Variants in TP53TG5 observed in about 807,000 individuals in gnomAD.
TP53TG5 encodes the protein TP53-target gene 5 protein.
A neutral mutation model predicts 30.0 loss-of-function variants in TP53TG5; 17 were observed. The ratio of observed to expected loss-of-function variants is 0.57; its 90% CI spans 0.39 to 0.85. TP53TG5 has a LOEUF of 0.85. Ranked by LOEUF, TP53TG5 falls within the 40% of genes least tolerant of loss-of-function variation. The pLI, the probability that TP53TG5 is intolerant of heterozygous loss-of-function variation, is 0.00. For missense variants in TP53TG5, 338 were observed against 367.9 expected (o/e 0.92, Z 0.67); for synonymous variants, 137 against 139.2 (o/e 0.98, Z 0.11).
Position 45,375,144 on chromosome 20 carries a change from C to G in TP53TG5, c.663G>C (p.Pro221=). 1 of 1,614,112 alleles carries G rather than the reference C, an allele frequency of 6.2e-7. No homozygotes were observed. Among genetic ancestry groups the G allele is most frequent in the East Asian group, 2.2e-5 (1 of 44,880 alleles). The part of the protein sequence containing the change: ...FEGLPTRIHL[P]APRVMCRSST... ...AGGATCTGCACATCACCCTGGGCGC[C>G]GGGAGGTGGATTCGTGTGGGCAGCC... Residue 221 remains proline, a synonymous_variant, in exon 4 of 5, where the codon CCG becomes CCC. Coordinates refer to ENST00000372726, the MANE Select transcript of TP53TG5 (RefSeq NM_014477.3).
intron 2 of TP53TG5, 62 bp from the exon 3 acceptor site, chr20:45,377,404 C>T: frequency 1.2e-6 from 2 of 1,611,600 alleles, no homozygotes; most frequent in Non-Finnish European, 8.5e-7. Flanking sequence ...CCTCCCTCTC[C>T]CCTGCCTGCC....
chr20:45,375,761 C>T, intron 3 of TP53TG5: 1 of 602,252 alleles, frequency 1.7e-6, no homozygotes, highest in Non-Finnish European at 2.9e-6. Flanking sequence ...AGGTGAAAGC[C>T]ATGACTAGTA....
chr20:45,377,338 A>G lies in TP53TG5; in HGVS notation c.128T>C (p.Leu43Ser). The G allele has an allele frequency of 6.2e-7, 1 of 1,614,072 alleles. No individual in the cohort carries two copies. Among genetic ancestry groups the G allele is most frequent in the Non-Finnish European group, 8.5e-7 (1 of 1,180,008 alleles). ...VIERNRLRTV[L>S]KNLSLLKLLK... is the part of the protein sequence containing the mutation. ...TAGCTTCAAGAGCGACAAGTTTTTT[A>G]ACACCTGCCAGGGTCAAGAAACCAG... Residue 43 changes from leucine to serine, a missense_variant, in exon 3 of 5, where the codon TTA becomes TCA. By Grantham distance (145) the Leu-to-Ser change is moderately radical (BLOSUM62 -2). Transcript: ENST00000372726.
chr20:45,378,167 A>C (rs1265964265), intron 1 of TP53TG5, 22 bp downstream of exon 1: 4 of 1,613,904 alleles, frequency 2.5e-6, no homozygotes. Context: ...ACTCACCCCC[A>C]GGGTCTAGTC....
At chr20:45,374,110 G>A in intron 4 of TP53TG5, 99 bp from the exon 5 acceptor site, 1 of 1,149,770 alleles carries the variant, frequency 8.7e-7, no homozygotes. Context: ...GTGGTGTCTG[G>A]TAGGTTGGAA....
Position 45,373,747 on chromosome 20 carries a change from T to A in TP53TG5, c.*160A>T. On this transcript the variant is annotated 3_prime_UTR_variant, in exon 5 of 5. Transcript: ENST00000372726. Reference sequence around the variant, plus strand: ...GAGGGGTGCTGCTCGCTGGCTTCTTTGGTTCTAGACTGACCTTAGGGGCCT... The same window carrying A: ...GAGGGGTGCTGCTCGCTGGCTTCTTAGGTTCTAGACTGACCTTAGGGGCCT... 1 of 617,678 alleles carries A rather than the reference T, an allele frequency of 1.6e-6. No individual in the cohort carries two copies. The highest frequency in any genetic ancestry group is 1.9e-5 in the South Asian group (1 of 52,370). 38.3% of individuals were successfully genotyped at this position (617,678 alleles called of 1,614,324 possible).
Position 45,378,280 on chromosome 20 carries a change from G to T in TP53TG5, c.-44C>A. ...CAGAGATGAATGGAGCAACACCAGTGCCAGGCACCAACCCTGTTCCTCTCA... is the reference window on the plus strand; with the variant it reads ...CAGAGATGAATGGAGCAACACCAGTTCCAGGCACCAACCCTGTTCCTCTCA... On this transcript the variant is annotated 5_prime_UTR_variant, in exon 1 of 5. Transcript: ENST00000372726. 1 of 1,613,404 alleles carries T rather than the reference G, an allele frequency of 6.2e-7. No individual in the cohort carries two copies. The highest frequency in any genetic ancestry group is 8.5e-7 in the Non-Finnish European group (1 of 1,179,798).
At chr20:45,374,276 CCTTT>C (rs1229351910) in intron 4 of TP53TG5, 1 of 697,084 alleles carries the variant, frequency 1.4e-6, no homozygotes, top group African/African-American at 1.8e-5. Context: ...ATCTTTTTTT[CCTTT>C]CTTTTTTTTT....
rs1485973424 is a variant in TP53TG5 at position 45,372,798 on chromosome 20, G to A, written c.*1109C>T. On this transcript the variant is annotated 3_prime_UTR_variant, in exon 5 of 5. Coordinates refer to ENST00000372726, the MANE Select transcript of TP53TG5 (RefSeq NM_014477.3). The stretch of plus-strand genomic sequence containing the variant: ...AGATTGCGCTGGGAGCAGGAGCTCG[G>A]GAGCACGCAGCAGCCACTATGAGGT... 1 of 152,214 alleles carries A rather than the reference G, an allele frequency of 6.6e-6. No homozygotes were observed. Among genetic ancestry groups the A allele is most frequent in the Non-Finnish European group, 1.5e-5 (1 of 68,100 alleles). 9.4% of individuals were successfully genotyped at this position (152,214 alleles called of 1,614,324 possible).
In TP53TG5 at chr20:45,375,138, G is replaced by C; in HGVS notation, c.669C>G (p.Pro223=). Residue 223 remains proline, a synonymous_variant, in exon 4 of 5, where the codon CCC becomes CCG. Coordinates refer to ENST00000372726, the MANE Select transcript of TP53TG5 (RefSeq NM_014477.3). ...GLPTRIHLPA[P]RVMCRSSTLR... is the part of the protein sequence containing the mutation. ...GGGTGGAGGATCTGCACATCACCCT[G>C]GGCGCCGGGAGGTGGATTCGTGTGG... 6.2e-7 allele frequency: 1 copy of C among 1,614,126 alleles called. No individual in the cohort carries two copies. Among genetic ancestry groups the C allele is most frequent in the Non-Finnish European group, 8.5e-7 (1 of 1,180,042 alleles).
intron 4 of TP53TG5, 146 bp from the exon 5 acceptor site, chr20:45,374,157 T>G: frequency 1.4e-6 from 1 of 726,574 alleles, no homozygotes; most frequent in Non-Finnish European, 2.4e-6. Context: ...CCCTTTAAGC[T>G]AGACCCGGTG....
chr20:45,374,013 T>G lies in TP53TG5; in HGVS notation c.769-2A>C. On this transcript the variant is annotated splice_acceptor_variant, in intron 4 of 4. Transcript: ENST00000372726. LOFTEE classifies it high-confidence loss of function. Reference sequence around the variant, plus strand: ...GGCTCTCGTCCAGGTCACATCAACCTGCCAGCAGAAACCTCGGTGTTAGGC... The same window carrying G: ...GGCTCTCGTCCAGGTCACATCAACCGGCCAGCAGAAACCTCGGTGTTAGGC... 1 of 1,613,920 alleles carries G rather than the reference T, an allele frequency of 6.2e-7. No individual in the cohort carries two copies. Among genetic ancestry groups the G allele is most frequent in the Non-Finnish European group, 8.5e-7 (1 of 1,180,000 alleles).
Position 45,373,694 on chromosome 20 carries a change from C to G in TP53TG5, c.*213G>C. 2 of 590,110 alleles carry G rather than the reference C, an allele frequency of 3.4e-6. No individual in the cohort carries two copies. The highest frequency in any genetic ancestry group is 6.0e-6 in the Non-Finnish European group (2 of 330,592). 36.6% of individuals were successfully genotyped at this position (590,110 alleles called of 1,614,324 possible). ...CGCCCTGACTTCACAGAGCGCGCCA[C>G]TCAGGAGACTAGCTCGCGGAGGTGG... On this transcript the variant is annotated 3_prime_UTR_variant, in exon 5 of 5. Coordinates refer to ENST00000372726, the MANE Select transcript of TP53TG5 (RefSeq NM_014477.3).
In TP53TG5 at chr20:45,378,178, C is replaced by T; in HGVS notation, c.48+11G>A. 1.2e-6 allele frequency: 2 copies of T among 1,614,042 alleles called. No individual in the cohort carries two copies. The highest frequency in any genetic ancestry group is 1.7e-6 in the Non-Finnish European group (2 of 1,179,950). On this transcript the variant is annotated intron_variant, in intron 1 of 4. Transcript: ENST00000372726. ...AGGGACTCACCCCCAGGGTCTAGTC[C>T]CAAGTCTGACCTTGGAAACCCTGCT...
chr20:45,374,669 GA>G, intron 4 of TP53TG5: 1 of 427,212 alleles, frequency 2.3e-6, no homozygotes, highest in Non-Finnish European at 4.1e-6. Flanking sequence ...AGCCCTACTT[GA>G]CCATCTCCCC....
In TP53TG5 at chr20:45,378,325, T is replaced by C; in HGVS notation, c.-89A>G. 6.2e-7 allele frequency: 1 copy of C among 1,602,126 alleles called. No individual in the cohort carries two copies. The highest frequency in any genetic ancestry group is 1.7e-4 in the Middle Eastern group (1 of 5,922). On this transcript the variant is annotated 5_prime_UTR_variant, in exon 1 of 5. Coordinates refer to ENST00000372726, the MANE Select transcript of TP53TG5 (RefSeq NM_014477.3). ...CTCTCAGTTCAGCCAGCACTCAGGC[T>C]GGGCATCAGATGGTGGTGCTGGCTC...
Position 45,378,230 on chromosome 20 carries a change from G to A in TP53TG5, c.7C>T (p.Pro3Ser). Residue 3 changes from proline to serine, a missense_variant, in exon 1 of 5, where the codon CCA (proline) becomes TCA (serine). Transcript: ENST00000372726. Reference protein sequence around the residue: MSPSAKKRPKNSR... With the variant: MSSSAKKRPKNSR... ...TTCTTGGGCCTCTTCTTTGCTGATG[G>A]ACTCATGCTGGGGCTGTGAGACCTC... 6.2e-7 allele frequency: 1 copy of A among 1,614,122 alleles called. No individual in the cohort carries two copies. The highest frequency in any genetic ancestry group is 8.5e-7 in the Non-Finnish European group (1 of 1,180,000).
chr20:45,373,957 G>A lies in TP53TG5; in HGVS notation c.823C>T (p.His275Tyr), dbSNP rs2231628. Reference protein sequence around the residue: ...RGASRGWRSRHQLKGRNGWRN... With the variant: ...RGASRGWRSRYQLKGRNGWRN... ...CACCCATTCCTCCCCTTCAGCTGAT[G>A]GCGCGATCTCCACCCTCTGCTCGCA... Residue 275 changes from histidine (H) to tyrosine (Y), a missense_variant, in exon 5 of 5, where the codon CAT becomes TAT. Coordinates refer to ENST00000372726, the MANE Select transcript of TP53TG5 (RefSeq NM_014477.3). 1 of 1,613,636 alleles carries A rather than the reference G, an allele frequency of 6.2e-7. No individual in the cohort carries two copies. The highest frequency in any genetic ancestry group is 8.5e-7 in the Non-Finnish European group (1 of 1,179,954).
intron 4 of TP53TG5, chr20:45,374,437 A>T: frequency 1.8e-6 from 1 of 570,884 alleles, no homozygotes; most frequent in East Asian, 2.9e-5. Context: ...ACATCTGGCT[A>T]ATTTTTAAAT....
Sources: allele counts gnomAD v4.1 joint callset, GRCh38; gene constraint gnomAD v4.1.1; transcripts MANE v1.5; gene names NCBI Gene and HGNC (gene_info 2026-07-23, HGNC 2026-07-21).